COL21A1: variants seen among roughly 807,000 people sequenced by gnomAD.
COL21A1 encodes the protein collagen type XXI alpha 1 chain.
In COL21A1, 149 loss-of-function variants were observed where a neutral mutation model predicts 137.9. That is an observed-to-expected ratio of 1.08 (90% CI 0.95 to 1.24). The LOEUF is 1.24. COL21A1 is among the 50% of genes most tolerant of loss of function. The pLI, the probability that COL21A1 is intolerant of heterozygous loss-of-function variation, is 0.00. For missense variants in COL21A1, 1,167 were observed against 1,158.4 expected (o/e 1.01, Z -0.11); for synonymous variants, 456 against 391.5 (o/e 1.16, Z -1.95).
At chr6:56,304,144 T>C (rs1764373173) in intron 1 of COL21A1, among the ~76,000 whole-genome samples, 3 of 152,234 alleles carry the variant, frequency 2.0e-5, no homozygotes, top group Admixed American at 1.3e-4. Flanking sequence ...GAATATTTTA[T>C]TGAGGATTTT....
At position 56,187,692 on chromosome 6, in the gene COL21A1, A is replaced by T. The variant is rs890371914; in HGVS notation, c.-38-5036T>A. On this transcript the variant is annotated intron_variant, in intron 1 of 29. Transcript: ENST00000244728. The stretch of plus-strand genomic sequence containing the variant: ...CACATAAGAAAATTAAATGGAACAT[A>T]GATCTAGATGTAAAAACTAAAACTA... 2.0e-5 allele frequency among the ~76,000 whole-genome samples: 3 copies of T among 152,182 alleles called. No homozygotes were observed. In the East Asian group the frequency reaches 5.8e-4, roughly 30 times the overall value.
At chr6:56,125,062 G>A (rs1395380112) in intron 14 of COL21A1, among the ~76,000 whole-genome samples, 2 of 107,048 alleles carry the variant, frequency 1.9e-5, no homozygotes, top group Non-Finnish European at 3.5e-5. Flanking sequence ...GCTCTGTCAC[G>A]CAGGCTGGAG....
At chr6:56,082,574 T>C (rs1339856339) in intron 17 of COL21A1, among the ~76,000 whole-genome samples, 1 of 151,906 alleles carries the variant, frequency 6.6e-6, no homozygotes, top group African/African-American at 2.4e-5. Flanking sequence ...AAGACCCTTT[T>C]TAACTTTAGA....
At chr6:56,364,888 G>C (rs556744669) in intron 1 of COL21A1, among the ~76,000 whole-genome samples, 1 of 152,194 alleles carries the variant, frequency 6.6e-6, no homozygotes, top group Middle Eastern at 3.4e-3. Context: ...GATTATATGA[G>C]TTTCAAGAAA....
At position 56,320,857 on chromosome 6, in the gene COL21A1, T is replaced by C. The variant is rs192835297; in HGVS notation, c.-39+73114A>G. Among the ~76,000 whole-genome samples, 15 of 152,278 alleles carry C rather than the reference T, an allele frequency of 9.9e-5. No individual in the cohort carries two copies. In the East Asian group the frequency reaches 2.7e-3, roughly 27 times the overall value. The stretch of plus-strand genomic sequence containing the variant: ...AAGCAATTACATCTTCATCTCACTA[T>C]ATACTTTTGATTTTTTTTATGACCA... On this transcript the variant is annotated intron_variant, in intron 1 of 28. Coordinates refer to the COL21A1 transcript ENST00000370819.
At chr6:56,295,064 T>C (rs1764131929) in intron 1 of COL21A1, among the ~76,000 whole-genome samples, 1 of 152,102 alleles carries the variant, frequency 6.6e-6, no homozygotes, top group African/African-American at 2.4e-5. Context: ...CAGTTTTGCA[T>C]TTTGCATGTA....
rs149084603 is a variant in COL21A1, at chr6:56,221,664, C to A, written c.-39+25723G>T. 3.0e-3 allele frequency among the ~76,000 whole-genome samples: 459 copies of A among 152,160 alleles called. 2 individuals carry two copies. Among genetic ancestry groups the A allele is most frequent in the African/African-American group, 0.011 (436 of 41,516 alleles). The stretch of plus-strand genomic sequence containing the variant: ...GCTTGAGCCCAGGAGTTCCAGGCTG[C>A]AGTGAGCCATGACCACACCACTGCA... On this transcript the variant is annotated intron_variant, in intron 1 of 29. Coordinates refer to ENST00000244728, the MANE Select transcript of COL21A1 (RefSeq NM_030820.4).
intron 1 of COL21A1, among the ~76,000 whole-genome samples, chr6:56,316,073 C>G (rs1764725073): frequency 6.6e-6 from 1 of 152,120 alleles, no homozygotes; most frequent in Non-Finnish European, 1.5e-5. Flanking sequence ...CCAATTTTCT[C>G]TTTTTAATTT....
intron 1 of COL21A1, among the ~76,000 whole-genome samples, chr6:56,237,036 T>C (rs885631): frequency 0.069 from 10,458 of 152,084 alleles, 406 homozygotes; most frequent in Middle Eastern, 0.12. Context: ...TTACAGCTTT[T>C]GATGAGAGCA....
At chr6:56,152,983 G>A (rs1479790190) in intron 10 of COL21A1, among the ~76,000 whole-genome samples, 1 of 152,076 alleles carries the variant, frequency 6.6e-6, no homozygotes, top group Admixed American at 6.5e-5. Flanking sequence ...GTGTAATTAG[G>A]GCGAAACTCA....
intron 9 of COL21A1, among the ~76,000 whole-genome samples, chr6:56,162,415 G>A (rs1356812419): frequency 1.3e-5 from 2 of 152,186 alleles, no homozygotes; most frequent in South Asian, 2.1e-4. Context: ...AGAAACACAT[G>A]AAACTTGGAA....
chr6:56,351,637 C>G (rs1456160033), intron 1 of COL21A1, among the ~76,000 whole-genome samples: 1 of 152,182 alleles, frequency 6.6e-6, no homozygotes, highest in Non-Finnish European at 1.5e-5. Context: ...GCAAAGGCCT[C>G]AAGAACTGAA....
At chr6:56,161,085 GAAATTTT>G (rs1261000517) in intron 9 of COL21A1, among the ~76,000 whole-genome samples, 311 of 152,236 alleles carry the variant, frequency 2.0e-3, no homozygotes, top group African/African-American at 7.0e-3. Context: ...CTTGGCCCTT[GAAATTTT>G]CCAAAGGCTT....
At position 56,393,471 on chromosome 6, in the gene COL21A1, G is replaced by A. The variant is rs1417408362; in HGVS notation, c.-39+500C>T. 2.6e-5 allele frequency among the ~76,000 whole-genome samples: 4 copies of A among 152,156 alleles called. No homozygotes were observed. The East Asian group carries it at 5.8e-4, about 22-fold the overall frequency. On this transcript the variant is annotated intron_variant, in intron 1 of 28. Transcript: ENST00000370819. ...TTTGGAGTAAGACCTCAAAAGCACA[G>A]ACAACCAAAGCACAAATGGATAAAT... is the stretch of plus-strand genomic sequence containing the variant.
chr6:56,211,178 CAT>C (rs1491577522), intron 1 of COL21A1, among the ~76,000 whole-genome samples: 2 of 11,820 alleles, frequency 1.7e-4, no homozygotes, highest in African/African-American at 6.8e-4. Flanking sequence ...TGTATATATA[CAT>C]ATATATGTAT....
intron 1 of COL21A1, among the ~76,000 whole-genome samples, chr6:56,193,227 G>A (rs1042753097): frequency 6.6e-6 from 1 of 151,956 alleles, no homozygotes; most frequent in Non-Finnish European, 1.5e-5. Flanking sequence ...AGGTTGATGG[G>A]TGCAGCAAAT....
intron 1 of COL21A1, among the ~76,000 whole-genome samples, chr6:56,260,645 A>T (rs1162663706): frequency 2.4e-5 from 1 of 42,502 alleles, no homozygotes; most frequent in Non-Finnish European, 5.5e-5. Flanking sequence ...GGAAGGAAGG[A>T]AGGAAGGAAG....
chr6:56,129,661 C>T lies in COL21A1; in HGVS notation c.1543-3512G>A, dbSNP rs115301606. Among the ~76,000 whole-genome samples, 1,059 of 145,768 alleles carry T rather than the reference C, an allele frequency of 7.3e-3. 18 individuals carry two copies. The highest frequency in any genetic ancestry group is 0.026 in the African/African-American group (1,002 of 38,742). ...CGTGCGTGTGTGTGTGTTGCTTCCT[C>T]TGTCACGTGCGTGCGTGTGTGTGTG... is the stretch of plus-strand genomic sequence containing the variant. On this transcript the variant is annotated intron_variant, in intron 12 of 29. Coordinates refer to ENST00000244728, the MANE Select transcript of COL21A1 (RefSeq NM_030820.4).
upstream of COL21A1, among the ~76,000 whole-genome samples, chr6:56,249,609 C>CA (rs555727648): frequency 7.8e-4 from 119 of 152,038 alleles, 1 homozygote; most frequent in East Asian, 2.7e-3. Flanking sequence ...GTCACACACA[C>CA]AAAAAAACAC....
Sources: allele counts gnomAD v4.1 joint callset (sites outside exome capture counted in the v4.1 genomes callset), GRCh38; gene constraint gnomAD v4.1.1; transcripts MANE v1.5; gene names NCBI Gene and HGNC (gene_info 2026-07-23, HGNC 2026-07-21).